The following LMX1A variants were observed in gnomAD, a reference collection of about 807,000 sequenced individuals.
LMX1A encodes LIM homeobox transcription factor 1 alpha, also known as LIM homeobox transcription factor 1-alpha.
Under a neutral mutation model 49.1 loss-of-function variants are expected in LMX1A, and 15 were observed. The ratio of observed to expected loss-of-function variants is 0.31; its 90% CI spans 0.20 to 0.47. The LOEUF (loss-of-function observed/expected upper bound fraction) is 0.47. LMX1A is among the 20% of genes least tolerant of loss of function. LMX1A has a pLI of 1.00. For synonymous variants in LMX1A, 167 were observed against 185.7 expected, an observed-to-expected ratio of 0.90 and a Z score of 0.82; for missense variants, 372 against 475.8, an observed-to-expected ratio of 0.78 and a Z score of 2.03.
chr1:165,265,098 G>A (rs1358299260), intron 3 of LMX1A, among the ~76,000 whole-genome samples: 1 of 151,914 alleles, frequency 6.6e-6, no homozygotes, highest in Non-Finnish European at 1.5e-5. Flanking sequence ...CGGCTACTCA[G>A]GAGGCTGAGG....
rs1161212511 is a variant in LMX1A at position 165,249,605 on chromosome 1, G to C, written c.299C>G (p.Ala100Gly). ...FAVKCGGCFE[A>G]IAPNEFVMRA... Reference sequence around the variant, plus strand: ...CATAACAAACTCATTGGGAGCGATGGCCTCGAAGCAGCCCCCACATTTAAC... The same window carrying C: ...CATAACAAACTCATTGGGAGCGATGCCCTCGAAGCAGCCCCCACATTTAAC... The change falls in exon 4 of 9, where the codon GCC becomes GGC. Residue 100 changes from alanine to glycine, a missense_variant. This residue lies in a region of LMX1A where 199 missense variants were observed against 244.0 expected (regional missense o/e 0.82). Coordinates refer to ENST00000342310, the MANE Select transcript of LMX1A (RefSeq NM_177398.4). The C allele has an allele frequency of 6.2e-7, 1 of 1,614,168 alleles. No homozygotes were observed. Among genetic ancestry groups the C allele is most frequent in the South Asian group, 1.1e-5 (1 of 91,060 alleles).
In LMX1A at chr1:165,352,040, C is replaced by T. The variant is rs556390806; in HGVS notation, c.263+1036G>A. Among the ~76,000 whole-genome samples, 6 of 152,362 alleles carry T rather than the reference C, an allele frequency of 3.9e-5. No individual in the cohort carries two copies. In the South Asian group the frequency reaches 1.2e-3, roughly 32 times the overall value. On this transcript the variant is annotated intron_variant, in intron 3 of 8. Transcript: ENST00000342310. Reference sequence around the variant, plus strand: ...CAGTCCTAATGCACAAAAACAGAGACCTCTGGATCAGCCACTTTTCTTCAA... The same window carrying T: ...CAGTCCTAATGCACAAAAACAGAGATCTCTGGATCAGCCACTTTTCTTCAA...
chr1:165,270,616 T>C (rs1184293424), intron 3 of LMX1A, among the ~76,000 whole-genome samples: 1 of 152,134 alleles, frequency 6.6e-6, no homozygotes, highest in Non-Finnish European at 1.5e-5. Flanking sequence ...AGTATCAGGA[T>C]GTTTTAGAAA....
chr1:165,231,152 G>A (rs1049133909), intron 4 of LMX1A, among the ~76,000 whole-genome samples: 7 of 151,914 alleles, frequency 4.6e-5, no homozygotes, highest in Admixed American at 1.3e-4. Flanking sequence ...GATGGGTCAT[G>A]AGAAGCACTG....
intron 4 of LMX1A, among the ~76,000 whole-genome samples, chr1:165,215,799 A>C (rs1651621222): frequency 6.6e-6 from 1 of 152,202 alleles, no homozygotes; most frequent in Admixed American, 6.5e-5. Flanking sequence ...TTTCCATCCC[A>C]GTTCTGACCC....
In LMX1A at chr1:165,204,031, G is replaced by T; in HGVS notation, c.998C>A (p.Pro333His). The change falls in exon 9 of 9, where the codon CCC (proline) becomes CAC (histidine). Residue 333 changes from proline (P) to histidine (H), a missense_variant. Transcript: ENST00000342310. ...GDHMHPYGAE[P>H]LFHDLDSDDT... ...GTCGCTATCCAGGTCATGGAAAAGG[G>T]GCTCGGCACCTGAAATGGAGATGAA... is the stretch of plus-strand genomic sequence containing the variant. 1 of 1,614,044 alleles carries T rather than the reference G, an allele frequency of 6.2e-7. No homozygotes were observed. Among genetic ancestry groups the T allele is most frequent in the East Asian group, 2.2e-5 (1 of 44,872 alleles).
chr1:165,300,931 A>G (rs17405214), intron 3 of LMX1A, among the ~76,000 whole-genome samples: 18,156 of 152,204 alleles, frequency 0.12, 1,429 homozygotes, highest in Non-Finnish European at 0.18. Flanking sequence ...CCTAGGTGGC[A>G]TCTAAGGGCT....
chr1:165,271,061 G>A (rs1653777897), intron 3 of LMX1A, among the ~76,000 whole-genome samples: 1 of 152,142 alleles, frequency 6.6e-6, no homozygotes, highest in South Asian at 2.1e-4. Flanking sequence ...TTCCCACCCA[G>A]GGATGAGTCC....
intron 3 of LMX1A, among the ~76,000 whole-genome samples, chr1:165,310,838 C>A (rs180897473): frequency 2.6e-5 from 4 of 152,164 alleles, no homozygotes; most frequent in Non-Finnish European, 5.9e-5. Context: ...AGAGGGAATG[C>A]GATGCGGACA....
chr1:165,269,937 A>G (rs560071490), intron 3 of LMX1A, among the ~76,000 whole-genome samples: 29 of 152,084 alleles, frequency 1.9e-4, no homozygotes, highest in Non-Finnish European at 3.4e-4. Flanking sequence ...GAGCTAATGA[A>G]TGCTGGGCTT....
chr1:165,323,398 A>G (rs1340268003), intron 3 of LMX1A, among the ~76,000 whole-genome samples: 1 of 152,218 alleles, frequency 6.6e-6, no homozygotes, highest in African/African-American at 2.4e-5. Context: ...TCACCACCAT[A>G]AAATTATAAC....
chr1:165,266,126 C>T (rs776430888), intron 3 of LMX1A, among the ~76,000 whole-genome samples: 15 of 152,134 alleles, frequency 9.9e-5, no homozygotes, highest in Non-Finnish European at 2.1e-4. Context: ...TTGGAGTTTA[C>T]ATTTGATAGA....
intron 4 of LMX1A, among the ~76,000 whole-genome samples, chr1:165,221,100 C>T (rs12042712): frequency 0.27 from 40,624 of 151,898 alleles, 6,153 homozygotes; most frequent in East Asian, 0.58. Flanking sequence ...ATCTTTTGCC[C>T]AAGGACACAC....
chr1:165,257,555 G>T (rs1161725781), intron 3 of LMX1A, among the ~76,000 whole-genome samples: 4 of 152,188 alleles, frequency 2.6e-5, no homozygotes, highest in Non-Finnish European at 5.9e-5. Context: ...AATAGTGTGT[G>T]GGGACACTCT....
intron 3 of LMX1A, among the ~76,000 whole-genome samples, chr1:165,333,027 T>C (rs564688003): frequency 6.6e-6 from 1 of 152,334 alleles, no homozygotes; most frequent in South Asian, 2.1e-4. Flanking sequence ...ATTGGGACCA[T>C]CACTTAGCCT....
At position 165,226,553 on chromosome 1, in the gene LMX1A, G is replaced by A. The variant is rs138044374; in HGVS notation, c.497-12740C>T. Among the ~76,000 whole-genome samples, 632 of 152,270 alleles carry A rather than the reference G, an allele frequency of 4.2e-3. 4 individuals carry two copies. The highest frequency in any genetic ancestry group is 0.015 in the African/African-American group (611 of 41,544). On this transcript the variant is annotated intron_variant, in intron 4 of 8. Transcript: ENST00000342310. ...AGAGCAAGAGATTATAGGGAAGCAC[G>A]GCAAACAAGAAAAAAACTTGCCATT...
At chr1:165,214,558 C>T (rs1490716433) in intron 4 of LMX1A, among the ~76,000 whole-genome samples, 1 of 152,236 alleles carries the variant, frequency 6.6e-6, no homozygotes, top group African/African-American at 2.4e-5. Flanking sequence ...CAGTACGGCA[C>T]TGAGTGCCCT....
intron 3 of LMX1A, among the ~76,000 whole-genome samples, chr1:165,326,673 C>T (rs965671093): frequency 7.2e-5 from 11 of 152,198 alleles, no homozygotes; most frequent in Admixed American, 3.3e-4. Context: ...TTGCACCTGG[C>T]TGCATCCTTT....
At chr1:165,213,259 C>T (rs1412546760) in intron 5 of LMX1A, 4 of 173,216 alleles carry the variant, frequency 2.3e-5, no homozygotes, top group Non-Finnish European at 4.8e-5. Flanking sequence ...AACCACCACA[C>T]CAAGTGGAAA....
Sources: allele counts gnomAD v4.1 joint callset (sites outside exome capture counted in the v4.1 genomes callset), GRCh38; gene constraint gnomAD v4.1.1; regional missense constraint gnomAD v4.1.1; transcripts MANE v1.5; gene names NCBI Gene and HGNC (gene_info 2026-07-23, HGNC 2026-07-21).